The following BRD4 variants were observed in gnomAD, a reference collection of about 807,000 sequenced individuals.
BRD4 encodes bromodomain containing 4, also known as bromodomain-containing protein 4.
BRD4 carries 16 observed loss-of-function variants against 142.1 expected under a neutral mutation model. The observed-to-expected ratio is 0.11, with a 90% CI of 0.08 to 0.17. The LOEUF is 0.17. Among genes scored for constraint, BRD4 ranks in the 10% least tolerant of loss-of-function variants. The pLI is 1.00. For synonymous variants in BRD4, 833 were observed against 707.5 expected, an observed-to-expected ratio of 1.18 and a Z score of -2.82; for missense variants, 1,424 against 1,810.9, an observed-to-expected ratio of 0.79 and a Z score of 3.88.
chr19:15,255,683 T>C, intron 9 of BRD4, 91 bp from the exon 10 acceptor site: 3 of 1,438,986 alleles, frequency 2.1e-6, no homozygotes, highest in Non-Finnish European at 2.8e-6. Context: ...GGGGAAGGGG[T>C]GCCCTTCCCA....
intron 10 of BRD4, among the ~76,000 whole-genome samples, chr19:15,254,673 G>A (rs1316456339): frequency 1.3e-5 from 2 of 151,904 alleles, no homozygotes; most frequent in African/African-American, 2.4e-5. Flanking sequence ...AGAGACCCCC[G>A]GGGGTCTCTC....
In BRD4 at chr19:15,243,010, G is replaced by A. The variant is rs748427290; in HGVS notation, c.3059C>T (p.Pro1020Leu). The A allele has an allele frequency of 6.5e-7, 1 of 1,543,308 alleles. No individual in the cohort carries two copies. Among genetic ancestry groups the A allele is most frequent in the Admixed American group, 2.0e-5 (1 of 50,468 alleles). The change falls in exon 14 of 20, where the codon CCC becomes CTC. Residue 1020 changes from proline to leucine, a missense_variant. Pro to Leu is a moderately conservative substitution (Grantham distance 98, BLOSUM62 -3). Transcript: ENST00000679869. ...QPPPPQGQQP[P>L]HPPPGQQPPP... ...TGGCTGCTGGCCTGGGGGCGGATGG[G>A]GGGGCTGCTGGCCCTGGGGTGGCGG...
intron 1 of BRD4, among the ~76,000 whole-genome samples, chr19:15,329,269 T>C (rs561633875): frequency 5.3e-5 from 8 of 152,264 alleles, no homozygotes; most frequent in African/African-American, 1.9e-4. Context: ...TCTTTCCTTT[T>C]TACAGATTTG....
At chr19:15,244,857 G>A (rs1444765260) in intron 11 of BRD4, 95 bp from the exon 12 acceptor site, 1 of 1,598,808 alleles carries the variant, frequency 6.3e-7, no homozygotes, top group Non-Finnish European at 8.5e-7. Flanking sequence ...GCACTTTCAG[G>A]AGAAGGACCA....
At chr19:15,270,772 G>C (rs1037171342) in intron 2 of BRD4, among the ~76,000 whole-genome samples, 9 of 152,168 alleles carry the variant, frequency 5.9e-5, no homozygotes, top group African/African-American at 1.9e-4. Context: ...GAAGTCCCCA[G>C]AATACAGATT....
chr19:15,246,218 A>G (rs1050546912), intron 11 of BRD4, among the ~76,000 whole-genome samples: 1 of 152,190 alleles, frequency 6.6e-6, no homozygotes, highest in Non-Finnish European at 1.5e-5. Flanking sequence ...GAGACATGCC[A>G]GAAGGGAAAG....
intron 1 of BRD4, among the ~76,000 whole-genome samples, chr19:15,297,479 A>G (rs2047832900): frequency 6.6e-6 from 1 of 152,138 alleles, no homozygotes; most frequent in Non-Finnish European, 1.5e-5. Context: ...GAGTTTTAAA[A>G]TCGCCTTGGG....
chr19:15,247,359 G>A (rs1002160587), intron 11 of BRD4: 5 of 231,938 alleles, frequency 2.2e-5, no homozygotes, highest in Non-Finnish European at 3.4e-5. Flanking sequence ...AGAAGTGAGT[G>A]GGCACTGTCC....
intron 1 of BRD4, among the ~76,000 whole-genome samples, chr19:15,283,423 T>G (rs1284961882): frequency 6.6e-6 from 1 of 152,192 alleles, no homozygotes; most frequent in Non-Finnish European, 1.5e-5. Flanking sequence ...CTCATTTAAA[T>G]TTAAAACTAT....
At chr19:15,291,726 T>C (rs1193849373) in intron 1 of BRD4, among the ~76,000 whole-genome samples, 4 of 152,222 alleles carry the variant, frequency 2.6e-5, no homozygotes, top group African/African-American at 9.6e-5. Context: ...GGTGATAGCA[T>C]CTTTATACTA....
intron 1 of BRD4, among the ~76,000 whole-genome samples, chr19:15,302,925 G>A (rs998293184): frequency 1.4e-5 from 2 of 146,972 alleles, no homozygotes; most frequent in African/African-American, 5.0e-5. Flanking sequence ...GGAGAATGGC[G>A]TGAACCCGGG....
intron 7 of BRD4, among the ~76,000 whole-genome samples, chr19:15,260,231 G>A (rs958374854): frequency 2.0e-5 from 3 of 152,214 alleles, no homozygotes; most frequent in Non-Finnish European, 4.4e-5. Context: ...GAGGCTCAGA[G>A]AGAAAAATAA....
chr19:15,265,532 G>C lies in BRD4; in HGVS notation c.671C>G (p.Pro224Arg), dbSNP rs773021615. Residue 224 changes from proline to arginine, a missense_variant, in exon 5 of 20, where the codon CCC becomes CGC. Around this residue, in one of 16 missense-constraint regions of BRD4, gnomAD observed 140 missense variants for 131.7 expected, o/e 1.06. Transcript: ENST00000679869. ...NPPPVQATPH[P>R]FPAVTPDLIV... ...GAGGTCCGGGGTGACGGCAGGGAAG[G>C]GGTGAGGCGTGGCCTGCACAGGAGG... 2.5e-6 allele frequency: 4 copies of C among 1,614,078 alleles called. No individual in the cohort carries two copies. Among genetic ancestry groups the C allele is most frequent in the Non-Finnish European group, 3.4e-6 (4 of 1,180,002 alleles).
At position 15,254,229 on chromosome 19, in the gene BRD4, T is replaced by C. The variant is rs998108973; in HGVS notation, c.2081A>G (p.Lys694Arg). Residue 694 changes from lysine (K) to arginine (R), a missense_variant, in exon 11 of 20, where the codon AAG becomes AGG. This residue lies in a region of BRD4 where 598 missense variants were observed against 647.8 expected (regional missense o/e 0.92). Coordinates refer to ENST00000679869, the MANE Select transcript of BRD4 (RefSeq NM_001379291.1). The part of the protein sequence containing the change: ...EKVDVIAGSS[K>R]MKGFSSSESE... ...CTCTGAGGACGAGAAGCCCTTCATC[T>C]TGGAGGAGCCGGCAATCACATCAAC... The C allele has an allele frequency of 3.7e-6, 6 of 1,614,116 alleles. No individual in the cohort carries two copies. In the East Asian group the frequency reaches 6.7e-5, roughly 18 times the overall value.
chr19:15,238,246 G>A lies in BRD4; in HGVS notation c.*131C>T. 5 of 1,459,422 alleles carry A rather than the reference G, an allele frequency of 3.4e-6. No individual in the cohort carries two copies. Among genetic ancestry groups the A allele is most frequent in the Non-Finnish European group, 4.6e-6 (5 of 1,079,412 alleles). 90.4% of individuals were successfully genotyped at this position (1,459,422 alleles called of 1,614,324 possible). A position where few individuals can be genotyped will look rare whatever the true frequency, so the allele number is the denominator to read the frequency against. On this transcript the variant is annotated 3_prime_UTR_variant, in exon 20 of 20. Transcript: ENST00000679869. The surrounding 1 kb of genome is among the most constrained non-coding windows in gnomAD (Gnocchi z 7.2). ...TCAGCTGCCCGTCAGGCCTGCCCCG[G>A]GCATAGCATGCAGGAGGGCCAGGCC...
In BRD4 at chr19:15,235,586, T is replaced by C. The variant is rs1011850140; in HGVS notation, c.*2791A>G. 6.6e-6 allele frequency: 1 copy of C among 151,984 alleles called. No individual in the cohort carries two copies. The highest frequency in any genetic ancestry group is 1.5e-5 in the Non-Finnish European group (1 of 68,012). The allele number at this position is 151,984 out of a possible 1,614,324, so 9.4% of individuals were successfully genotyped here. A position where few individuals can be genotyped will look rare whatever the true frequency, so the allele number is the denominator to read the frequency against. On this transcript the variant is annotated 3_prime_UTR_variant, in exon 20 of 20. Coordinates refer to ENST00000679869, the MANE Select transcript of BRD4 (RefSeq NM_001379291.1). ...CTGCACAAAAAAAAAAAAAAACCTT[T>C]CGTATGTAAGTGAAAAGTCTACGAA...
chr19:15,300,919 TC>T (rs2145686912), intron 1 of BRD4, among the ~76,000 whole-genome samples: 1 of 152,342 alleles, frequency 6.6e-6, no homozygotes, highest in African/African-American at 2.4e-5. Flanking sequence ...CCCAGCCATC[TC>T]ACTTGCAGGT....
chr19:15,262,236 T>G (rs2047479175), intron 7 of BRD4, among the ~76,000 whole-genome samples: 1 of 152,148 alleles, frequency 6.6e-6, no homozygotes, highest in Non-Finnish European at 1.5e-5. Context: ...AAGTCCTCAC[T>G]TCTGCCCTGG....
At chr19:15,257,770 A>T (rs1007091813) in intron 7 of BRD4, among the ~76,000 whole-genome samples, 7 of 152,176 alleles carry the variant, frequency 4.6e-5, no homozygotes, top group Non-Finnish European at 8.8e-5. Context: ...GCACCACTGG[A>T]GGAGGCATCT....
Sources: allele counts gnomAD v4.1 joint callset (sites outside exome capture counted in the v4.1 genomes callset), GRCh38; gene constraint gnomAD v4.1.1; regional missense constraint gnomAD v4.1.1; non-coding constraint Gnocchi (gnomAD v3.1); transcripts MANE v1.5; gene names NCBI Gene and HGNC (gene_info 2026-07-23, HGNC 2026-07-21).